The following ANO5 variants were observed in gnomAD, a reference collection of about 807,000 sequenced individuals.
ANO5 encodes anoctamin 5.
Under a neutral mutation model 121.0 loss-of-function variants are expected in ANO5, and 109 were observed. That is an observed-to-expected ratio of 0.90 (90% CI 0.77 to 1.06). The LOEUF (loss-of-function observed/expected upper bound fraction) is 1.06, where lower values mean the gene tolerates loss of function less well. Ranked by LOEUF, ANO5 falls within the 50% of genes least tolerant of loss-of-function variation. The pLI, the probability that ANO5 is intolerant of heterozygous loss-of-function variation, is 0.00. For synonymous variants in ANO5, 406 were observed against 359.9 expected (o/e 1.13, Z -1.45); for missense variants, 1,064 against 1,078.5 (o/e 0.99, Z 0.19).
intron 19 of ANO5, among the ~76,000 whole-genome samples, chr11:22,273,948 G>A (rs1421371320): frequency 6.6e-6 from 1 of 151,904 alleles, no homozygotes; most frequent in Non-Finnish European, 1.5e-5. Context: ...TTTTTTTAAA[G>A]CGTAGCACTA....
intron 18 of ANO5, 135 bp downstream of exon 18, chr11:22,270,577 A>T (rs755078955): frequency 6.3e-6 from 8 of 1,279,978 alleles, no homozygotes; most frequent in Non-Finnish European, 8.7e-6. Flanking sequence ...AGATGAGTGG[A>T]GGGATATAAA....
intron 13 of ANO5, 116 bp from the exon 14 acceptor site, chr11:22,257,564 G>A: frequency 4.9e-6 from 4 of 815,240 alleles, no homozygotes; most frequent in Middle Eastern, 2.2e-4. Flanking sequence ...ATGACCTATA[G>A]TAGGCCCTTT....
intron 3 of ANO5, among the ~76,000 whole-genome samples, chr11:22,214,410 G>C (rs185065759): frequency 1.6e-4 from 24 of 151,992 alleles, no homozygotes; most frequent in African/African-American, 5.5e-4. Context: ...AGAAAAATCT[G>C]TATAAATTAG....
At chr11:22,255,807 C>G (rs1853984235) in intron 13 of ANO5, among the ~76,000 whole-genome samples, 1 of 151,998 alleles carries the variant, frequency 6.6e-6, no homozygotes, top group Non-Finnish European at 1.5e-5. Context: ...CATGGACAAT[C>G]TTGTTTCATT....
At chr11:22,251,853 C>G (rs975511460) in intron 12 of ANO5, among the ~76,000 whole-genome samples, 2 of 151,256 alleles carry the variant, frequency 1.3e-5, no homozygotes, top group Non-Finnish European at 2.9e-5. Flanking sequence ...GGTGAAACCC[C>G]GTCTCTACTA....
chr11:22,226,353 T>C (rs919851272), intron 6 of ANO5, among the ~76,000 whole-genome samples: 10 of 152,124 alleles, frequency 6.6e-5, no homozygotes, highest in African/African-American at 2.4e-4. Context: ...TATAATCTGG[T>C]ACCCTAAATA....
intron 5 of ANO5, among the ~76,000 whole-genome samples, chr11:22,225,182 G>C (rs933323883): frequency 5.9e-5 from 9 of 151,948 alleles, no homozygotes; most frequent in African/African-American, 2.2e-4. Context: ...ATAAAAGCTG[G>C]GTGGGTGGTT....
At chr11:22,266,857 C>T (rs7930754) in intron 17 of ANO5, among the ~76,000 whole-genome samples, 20,392 of 152,106 alleles carry the variant, frequency 0.13, 3,962 homozygotes, top group African/African-American at 0.42. Context: ...ACTCTATCCA[C>T]TAGATGCCAG....
chr11:22,217,470 C>T (rs556284196), intron 3 of ANO5, among the ~76,000 whole-genome samples: 1 of 151,720 alleles, frequency 6.6e-6, no homozygotes, highest in South Asian at 2.1e-4. Flanking sequence ...TTCCATACTA[C>T]ACATCATATC....
At chr11:22,250,525 C>T (rs1853776594) in intron 10 of ANO5, among the ~76,000 whole-genome samples, 154 bp downstream of exon 10, 1 of 152,122 alleles carries the variant, frequency 6.6e-6, no homozygotes, top group Admixed American at 6.5e-5. Context: ...ATAACAGTTG[C>T]CTCTCACCTG....
intron 2 of ANO5, among the ~76,000 whole-genome samples, chr11:22,207,537 G>A (rs544473277): frequency 6.6e-6 from 1 of 152,136 alleles, no homozygotes; most frequent in Admixed American, 6.5e-5. Flanking sequence ...ATTGATCATG[G>A]ACTAAATGTA....
chr11:22,231,806 T>C (rs1490391893), intron 7 of ANO5, among the ~76,000 whole-genome samples: 1 of 151,944 alleles, frequency 6.6e-6, no homozygotes, highest in East Asian at 1.9e-4. Context: ...TAATTTGGAG[T>C]CCTGGTTACA....
chr11:22,246,340 A>G (rs751409898), intron 9 of ANO5, among the ~76,000 whole-genome samples: 2 of 151,970 alleles, frequency 1.3e-5, no homozygotes, highest in Non-Finnish European at 2.9e-5. Flanking sequence ...TTTTTCCCCT[A>G]TAATTTCTTA....
chr11:22,275,086 G>T (rs1485423719), intron 20 of ANO5, among the ~76,000 whole-genome samples: 1 of 151,870 alleles, frequency 6.6e-6, no homozygotes, highest in African/African-American at 2.4e-5. Context: ...ATAATCTATA[G>T]ATCATACAAC....
intron 9 of ANO5, among the ~76,000 whole-genome samples, chr11:22,249,591 T>C (rs1425333191): frequency 1.3e-5 from 2 of 152,076 alleles, no homozygotes; most frequent in Non-Finnish European, 2.9e-5. Context: ...TTGTGAGAAT[T>C]AAAATGTTGT....
At chr11:22,271,002 T>C (rs1294204266) in intron 18 of ANO5, among the ~76,000 whole-genome samples, 1 of 152,174 alleles carries the variant, frequency 6.6e-6, no homozygotes, top group Non-Finnish European at 1.5e-5. Context: ...ACTGCTTATA[T>C]GGTCTGCTCA....
chr11:22,273,804 T>G (rs1222383542), intron 19 of ANO5, among the ~76,000 whole-genome samples: 2 of 152,150 alleles, frequency 1.3e-5, no homozygotes, highest in Non-Finnish European at 2.9e-5. Flanking sequence ...GAGACTCTTG[T>G]GTCCTCATTT....
intron 20 of ANO5, among the ~76,000 whole-genome samples, chr11:22,275,026 T>C (rs189632879): frequency 1.4e-4 from 22 of 152,132 alleles, no homozygotes; most frequent in African/African-American, 5.3e-4. Flanking sequence ...TACTTTCTAA[T>C]GTATCAAAAG....
rs75126999 is a variant in ANO5 at position 22,227,794 on chromosome 11, A to G, written c.648+208A>G. On this transcript the variant is annotated intron_variant, in intron 7 of 21. Coordinates refer to ENST00000324559, the MANE Select transcript of ANO5 (RefSeq NM_213599.3). Reference sequence around the variant, plus strand: ...ACTCTCAAACTGTTGTTTAAAAGTGAGTGGTTGATGGTATGGATGTAGTAA... The same window carrying G: ...ACTCTCAAACTGTTGTTTAAAAGTGGGTGGTTGATGGTATGGATGTAGTAA... 0.028 allele frequency among the ~76,000 whole-genome samples: 4,270 copies of G among 152,172 alleles called. 194 individuals are homozygous for G. Among genetic ancestry groups the G allele is most frequent in the African/African-American group, 0.097 (4,018 of 41,514 alleles).
Sources: allele counts gnomAD v4.1 joint callset (sites outside exome capture counted in the v4.1 genomes callset), GRCh38; gene constraint gnomAD v4.1.1; transcripts MANE v1.5; gene names NCBI Gene and HGNC (gene_info 2026-07-23, HGNC 2026-07-21).